Variants in REEP3 observed in about 807,000 individuals in gnomAD.
REEP3 encodes receptor accessory protein 3, also known as receptor expression-enhancing protein 3.
A neutral mutation model predicts 41.3 loss-of-function variants in REEP3; 20 were observed. The ratio of observed to expected loss-of-function variants is 0.48; its 90% CI spans 0.34 to 0.70. The LOEUF (loss-of-function observed/expected upper bound fraction) is 0.70, where lower values mean the gene tolerates loss of function less well. Ranked by LOEUF, REEP3 falls within the 30% of genes least tolerant of loss-of-function variation. REEP3 has a pLI of 0.01. For missense variants in REEP3, 271 were observed against 308.8 expected, an observed-to-expected ratio of 0.88 and a Z score of 0.92; for synonymous variants, 104 against 101.8, an observed-to-expected ratio of 1.02 and a Z score of -0.13.
rs1956367536 is a variant in REEP3 at position 63,623,067 on chromosome 10, A to G, written c.*2198A>G. 1 of 152,142 alleles carries G rather than the reference A, an allele frequency of 6.6e-6. No homozygotes were observed. 9.4% of individuals were successfully genotyped at this position (152,142 alleles called of 1,614,324 possible). A position where few individuals can be genotyped will look rare whatever the true frequency, so the allele number is the denominator to read the frequency against. On this transcript the variant is annotated 3_prime_UTR_variant, in exon 8 of 8. Coordinates refer to ENST00000373758, the MANE Select transcript of REEP3 (RefSeq NM_001001330.3). ...ACCTATTCTTTAGTAAACTCATATTACTGTTCTAAATTGAAGAAATTATTT... is the reference window on the plus strand; with the variant it reads ...ACCTATTCTTTAGTAAACTCATATTGCTGTTCTAAATTGAAGAAATTATTT...
rs371586859 is a variant in REEP3 at position 63,566,357 on chromosome 10, T to C, written c.52T>C (p.Tyr18His). 5 of 1,552,028 alleles carry C rather than the reference T, an allele frequency of 3.2e-6. No homozygotes were observed. The highest frequency in any genetic ancestry group is 4.4e-6 in the Non-Finnish European group (5 of 1,144,484). ...RAVVLVFGML[Y>H]PAYYSYKAVK... ...TTTTAGGCTGGTGTTTGGAATGCTTTATCCTGCATATTATTCATACAAAGC... is the reference window on the plus strand; with the variant it reads ...TTTTAGGCTGGTGTTTGGAATGCTTCATCCTGCATATTATTCATACAAAGC... The change falls in exon 2 of 8, where the codon TAT becomes CAT. Residue 18 changes from tyrosine (Y) to histidine (H), a missense_variant. By Grantham distance (83) the Tyr-to-His change is moderately conservative (BLOSUM62 2). Transcript: ENST00000373758.
Position 63,577,215 on chromosome 10 carries a change from C to T in REEP3, c.105+10805C>T, listed in dbSNP as rs1229372805. Among the ~76,000 whole-genome samples, 6 of 152,192 alleles carry T rather than the reference C, an allele frequency of 3.9e-5. No individual in the cohort carries two copies. The South Asian group carries it at 1.2e-3, about 32-fold the overall frequency. ...GGGCGCTCAACATTCAGTTTATAAA[C>T]TTTTACTCGATCCCTATTAGCCCCA... is the stretch of plus-strand genomic sequence containing the variant. On this transcript the variant is annotated intron_variant, in intron 2 of 7. Coordinates refer to ENST00000373758, the MANE Select transcript of REEP3 (RefSeq NM_001001330.3).
chr10:63,562,263 T>G lies in REEP3; in HGVS notation c.33-4075T>G, dbSNP rs536212171. Among the ~76,000 whole-genome samples the G allele has an allele frequency of 2.0e-5, 3 of 151,890 alleles. No homozygotes were observed. In the East Asian group the frequency reaches 5.8e-4, roughly 29 times the overall value. On this transcript the variant is annotated intron_variant, in intron 1 of 7. Transcript: ENST00000373758. The stretch of plus-strand genomic sequence containing the variant: ...TTGTTAAATAAGGCAGAGTTTTTTT[T>G]TTTTTTTTTTAGAGACGGAGTCTTA...
At chr10:63,586,132 G>C (rs1024071606) in intron 2 of REEP3, among the ~76,000 whole-genome samples, 15 of 152,134 alleles carry the variant, frequency 9.9e-5, no homozygotes, top group African/African-American at 3.6e-4. Flanking sequence ...ATTTAGCCTA[G>C]GAGTATGTTC....
chr10:63,534,298 T>C (rs1456378020), intron 1 of REEP3, among the ~76,000 whole-genome samples: 1 of 152,142 alleles, frequency 6.6e-6, no homozygotes, highest in Non-Finnish European at 1.5e-5. Flanking sequence ...TTGCTCAGGC[T>C]AGAGTGCAGT....
intron 3 of REEP3, among the ~76,000 whole-genome samples, chr10:63,597,088 T>C (rs780386656): frequency 2.6e-5 from 4 of 152,160 alleles, no homozygotes; most frequent in Non-Finnish European, 5.9e-5. Context: ...CATGTTCTTT[T>C]CTGCTGGCCA....
At chr10:63,544,464 G>C (rs932955916) in intron 1 of REEP3, among the ~76,000 whole-genome samples, 2 of 152,194 alleles carry the variant, frequency 1.3e-5, no homozygotes, top group African/African-American at 4.8e-5. Context: ...GGGGAGGTGG[G>C]AGAATTTGAC....
In REEP3 at chr10:63,596,396, G is replaced by A. The variant is rs762482068; in HGVS notation, c.182+1542G>A. Among the ~76,000 whole-genome samples, 3 of 149,526 alleles carry A rather than the reference G, an allele frequency of 2.0e-5. No individual in the cohort carries two copies. The South Asian group carries it at 6.2e-4, about 31-fold the overall frequency. On this transcript the variant is annotated intron_variant, in intron 3 of 7. Transcript: ENST00000373758. ...CTGATTGCAAATGTAGCCTATATATGTTATTTAAAAATGAACGATGTAGAA... is the reference window on the plus strand; with the variant it reads ...CTGATTGCAAATGTAGCCTATATATATTATTTAAAAATGAACGATGTAGAA...
intron 1 of REEP3, among the ~76,000 whole-genome samples, chr10:63,535,086 AAATAAT>A (rs1955462146): frequency 6.6e-6 from 1 of 152,158 alleles, no homozygotes; most frequent in Non-Finnish European, 1.5e-5. Flanking sequence ...ATGTGAAGAG[AAATAAT>A]AATTTTTAAA....
At chr10:63,539,878 T>C (rs1234502059) in intron 1 of REEP3, among the ~76,000 whole-genome samples, 3 of 152,150 alleles carry the variant, frequency 2.0e-5, no homozygotes, top group African/African-American at 7.2e-5. Flanking sequence ...TTGAAAAACA[T>C]TACACTAGAG....
At chr10:63,593,994 A>G (rs1456311374) in intron 2 of REEP3, among the ~76,000 whole-genome samples, 1 of 152,156 alleles carries the variant, frequency 6.6e-6, no homozygotes, top group Admixed American at 6.5e-5. Flanking sequence ...CTTTCTGAAC[A>G]ATTTATATAT....
intron 2 of REEP3, among the ~76,000 whole-genome samples, chr10:63,569,292 T>G (rs1310192535): frequency 1.3e-5 from 2 of 152,198 alleles, no homozygotes; most frequent in Non-Finnish European, 2.9e-5. Flanking sequence ...TTAGATCTTT[T>G]TTTGAGTCTA....
intron 2 of REEP3, among the ~76,000 whole-genome samples, chr10:63,569,614 T>A: frequency 6.6e-6 from 1 of 152,022 alleles, no homozygotes; most frequent in Middle Eastern, 3.4e-3. Flanking sequence ...AGGGATAGCA[T>A]AAGAAATATA....
chr10:63,555,637 G>C (rs12411988), intron 1 of REEP3, among the ~76,000 whole-genome samples: 18,517 of 152,216 alleles, frequency 0.12, 1,400 homozygotes, highest in East Asian at 0.28. Context: ...GTGAAGGATA[G>C]AGCGTGGCAA....
At position 63,624,666 on chromosome 10, in the gene REEP3, C is replaced by T. The variant is rs1310689287; in HGVS notation, c.*3797C>T. 1.3e-5 allele frequency: 2 copies of T among 151,984 alleles called. No homozygotes were observed. The highest frequency in any genetic ancestry group is 2.4e-5 in the African/African-American group (1 of 41,398). 9.4% of individuals were successfully genotyped at this position (151,984 alleles called of 1,614,324 possible). A position where few individuals can be genotyped will look rare whatever the true frequency, so the allele number is the denominator to read the frequency against. On this transcript the variant is annotated 3_prime_UTR_variant, in exon 8 of 8. Coordinates refer to ENST00000373758, the MANE Select transcript of REEP3 (RefSeq NM_001001330.3). ...ATTATGTGTTGATTAAATATATGCA[C>T]ACACTTAGGATTACAGATCACAGAG...
intron 2 of REEP3, among the ~76,000 whole-genome samples, chr10:63,579,891 TA>T (rs2133387756): frequency 6.6e-6 from 1 of 152,314 alleles, no homozygotes; most frequent in African/African-American, 2.4e-5. Context: ...ACTCAACTGC[TA>T]CCACCCTCAC....
At chr10:63,566,462 A>C in intron 2 of REEP3, 52 bp downstream of exon 2, 7 of 981,802 alleles carry the variant, frequency 7.1e-6, no homozygotes, top group Non-Finnish European at 3.1e-6. Flanking sequence ...TTAATGATAC[A>C]CACTGAAAAA....
At chr10:63,591,690 G>C (rs777028927) in intron 2 of REEP3, among the ~76,000 whole-genome samples, 3 of 152,082 alleles carry the variant, frequency 2.0e-5, no homozygotes, top group Non-Finnish European at 4.4e-5. Context: ...TATTTATTTT[G>C]TGAGTTTTAA....
chr10:63,546,788 T>G (rs1459911229), intron 1 of REEP3, among the ~76,000 whole-genome samples: 2 of 152,226 alleles, frequency 1.3e-5, no homozygotes, highest in African/African-American at 2.4e-5. Flanking sequence ...TATGATTGTA[T>G]GCCAATTGGA....
Sources: allele counts gnomAD v4.1 joint callset (sites outside exome capture counted in the v4.1 genomes callset), GRCh38; gene constraint gnomAD v4.1.1; transcripts MANE v1.5; gene names NCBI Gene and HGNC (gene_info 2026-07-23, HGNC 2026-07-21).